Variants in EFCAB6 observed in about 807,000 individuals in gnomAD.
EFCAB6 encodes the protein EF-hand calcium-binding domain-containing protein 6.
In EFCAB6, 156 loss-of-function variants were observed where a neutral mutation model predicts 169.8. That is an observed-to-expected ratio of 0.92 (90% CI 0.81 to 1.05). The LOEUF is 1.05. EFCAB6 is among the 50% of genes least tolerant of loss of function. The pLI is 0.00. For missense variants in EFCAB6, 1,800 were observed against 1,829.1 expected (o/e 0.98, Z 0.29); for synonymous variants, 698 against 676.4 (o/e 1.03, Z -0.50).
At chr22:43,766,453 T>C (rs1041166879) in intron 4 of EFCAB6, among the ~76,000 whole-genome samples, 1 of 152,210 alleles carries the variant, frequency 6.6e-6, no homozygotes, top group South Asian at 2.1e-4. Flanking sequence ...ATGTTCACAA[T>C]AGGTCAATCT....
chr22:43,606,621 C>T (rs2147604280), intron 22 of EFCAB6, among the ~76,000 whole-genome samples: 1 of 152,358 alleles, frequency 6.6e-6, no homozygotes, highest in South Asian at 2.1e-4. Flanking sequence ...CAGCAGGAAG[C>T]AGGCAGGAGT....
At chr22:43,776,656 G>A (rs1467225482) in intron 3 of EFCAB6, among the ~76,000 whole-genome samples, 1 of 152,142 alleles carries the variant, frequency 6.6e-6, no homozygotes, top group Non-Finnish European at 1.5e-5. Context: ...AAGAACCCCT[G>A]AGCAAGAAGG....
At chr22:43,548,610 A>C (rs1223145918) in intron 27 of EFCAB6, among the ~76,000 whole-genome samples, 1 of 151,044 alleles carries the variant, frequency 6.6e-6, no homozygotes, top group Non-Finnish European at 1.5e-5. Context: ...CTGAATATGC[A>C]TACGTTTAAT....
intron 29 of EFCAB6, 46 bp from the exon 30 acceptor site, chr22:43,534,918 A>G (rs1402773583): frequency 1.3e-6 from 2 of 1,559,260 alleles, no homozygotes; most frequent in Admixed American, 3.6e-5. Context: ...TCATTCATTC[A>G]TTCATTCTTC....
intron 27 of EFCAB6, among the ~76,000 whole-genome samples, chr22:43,548,656 A>G (rs1488888727): frequency 2.0e-5 from 3 of 151,880 alleles, no homozygotes; most frequent in Non-Finnish European, 4.4e-5. Flanking sequence ...ACATACATAT[A>G]TTATAATAAA....
intron 17 of EFCAB6, among the ~76,000 whole-genome samples, chr22:43,661,962 C>T (rs2057023949): frequency 6.6e-6 from 1 of 151,958 alleles, no homozygotes; most frequent in African/African-American, 2.4e-5. Context: ...ACTAAAAATA[C>T]AAAAATTAGC....
rs991194189 is a variant in EFCAB6 at position 43,628,892 on chromosome 22, C to A, written c.2233-2213G>T. Among the ~76,000 whole-genome samples, 1 of 152,212 alleles carries A rather than the reference C, an allele frequency of 6.6e-6. No homozygotes were observed. Among genetic ancestry groups the A allele is most frequent in the Non-Finnish European group, 1.5e-5 (1 of 68,046 alleles). On this transcript the variant is annotated intron_variant, in intron 19 of 31. Transcript: ENST00000262726. The surrounding 1 kb of genome is among the most constrained non-coding windows in gnomAD (Gnocchi z 4.8). The stretch of plus-strand genomic sequence containing the variant: ...CATAAGCATGAGTCTGGGCTCTGAT[C>A]TGTTCCCTGTTGCAGCTCCAGCTCT...
At chr22:43,626,754 A>T in intron 19 of EFCAB6, 75 bp from the exon 20 acceptor site, 1 of 1,407,496 alleles carries the variant, frequency 7.1e-7, no homozygotes, top group Non-Finnish European at 1.0e-6. Flanking sequence ...CCCCACGTGT[A>T]GAGCCTCATC....
Position 43,580,573 on chromosome 22 carries a change from G to GGCTGA in EFCAB6, c.3114_3118dup (p.Pro1040LeufsTer17), listed in dbSNP as rs758290699. 3 of 1,613,990 alleles carry GGCTGA rather than the reference G, an allele frequency of 1.9e-6. No individual in the cohort carries two copies. In the South Asian group the frequency reaches 3.3e-5, roughly 18 times the overall value. On this transcript the variant is annotated frameshift_variant, in exon 25 of 32. Coordinates refer to ENST00000262726, the MANE Select transcript of EFCAB6 (RefSeq NM_022785.4). LOFTEE classifies it high-confidence loss of function. ...TGGCATGCTCTCTTCTTTTTCCTTG[G>GGCTGA]GCTGAGCTCCTGTTGACTTGCTGTT...
chr22:43,748,040 G>C (rs1392793458), intron 6 of EFCAB6, among the ~76,000 whole-genome samples: 1 of 152,124 alleles, frequency 6.6e-6, no homozygotes, highest in Admixed American at 6.5e-5. Flanking sequence ...AGTCTTCTTT[G>C]TATCCCCAAT....
At chr22:43,794,431 C>T (rs2062422538) in intron 2 of EFCAB6, among the ~76,000 whole-genome samples, 1 of 152,148 alleles carries the variant, frequency 6.6e-6, no homozygotes, top group South Asian at 2.1e-4. Context: ...GACCCAAACT[C>T]CGGTGAATTT....
chr22:43,786,688 TG>T (rs757715459), intron 2 of EFCAB6, among the ~76,000 whole-genome samples: 1 of 151,520 alleles, frequency 6.6e-6, no homozygotes, highest in African/African-American at 2.4e-5. Context: ...CACTCCAGCC[TG>T]GGCGATAGAG....
chr22:43,743,308 C>G (rs2060439414), intron 6 of EFCAB6, among the ~76,000 whole-genome samples: 1 of 152,194 alleles, frequency 6.6e-6, no homozygotes, highest in Non-Finnish European at 1.5e-5. Flanking sequence ...CTGCTCTGGG[C>G]TGGAGCGACC....
At chr22:43,743,154 A>T (rs1442378525) in intron 6 of EFCAB6, among the ~76,000 whole-genome samples, 1 of 152,260 alleles carries the variant, frequency 6.6e-6, no homozygotes, top group Non-Finnish European at 1.5e-5. Context: ...TCAATTAAAA[A>T]GATTTAGGTG....
chr22:43,728,012 G>A (rs1358645975), intron 8 of EFCAB6, among the ~76,000 whole-genome samples: 1 of 151,992 alleles, frequency 6.6e-6, no homozygotes, highest in East Asian at 1.9e-4. Context: ...CATCATCTAG[G>A]TTTTAAGCCC....
chr22:43,573,732 CAAAAAAAAAAAAA>C (rs748024357), intron 26 of EFCAB6, among the ~76,000 whole-genome samples: 1 of 85,338 alleles, frequency 1.2e-5, no homozygotes, highest in Non-Finnish European at 2.3e-5. Context: ...TCTGTCTCAA[CAAAAAAAAAAAAA>C]AAAAAAAAAG....
intron 15 of EFCAB6, 116 bp from the exon 16 acceptor site, chr22:43,669,161 G>A: frequency 1.1e-6 from 1 of 917,600 alleles, no homozygotes; most frequent in South Asian, 2.8e-5. Context: ...CACTGCTGGT[G>A]GGAATGTAAA....
chr22:43,537,672 G>T lies in EFCAB6; in HGVS notation c.3880-127C>A. ...GGCAGAATTAGCCCAGAAATAAAAT[G>T]AAGAATAAAACATAGATGGTGATTT... On this transcript the variant is annotated intron_variant, in intron 28 of 31. Transcript: ENST00000262726. This position sits in a 1 kb window ranked among gnomAD's most constrained non-coding sequence, Gnocchi z 4.3. 1 of 1,140,526 alleles carries T rather than the reference G, an allele frequency of 8.8e-7. No homozygotes were observed. The highest frequency in any genetic ancestry group is 1.2e-6 in the Non-Finnish European group (1 of 833,074). The allele number at this position is 1,140,526 out of a possible 1,614,324, so 70.7% of individuals were successfully genotyped here.
At chr22:43,561,684 C>T (rs896860339) in intron 26 of EFCAB6, among the ~76,000 whole-genome samples, 1 of 152,230 alleles carries the variant, frequency 6.6e-6, no homozygotes, top group African/African-American at 2.4e-5. Context: ...GCCAGCCTCG[C>T]TCGAGTGACT....
Sources: gnomAD v4.1 joint callset for allele counts (sites outside exome capture counted in the v4.1 genomes callset) on GRCh38, gnomAD v4.1.1 for gene constraint, Gnocchi (gnomAD v3.1) non-coding constraint, MANE v1.5 for transcripts, NCBI Gene and HGNC (gene_info 2026-07-23, HGNC 2026-07-21) for gene names.